The following OSBPL11 variants were observed in gnomAD, a reference collection of about 807,000 sequenced individuals.
OSBPL11 encodes the protein oxysterol binding protein like 11.
A neutral mutation model predicts 84.4 loss-of-function variants in OSBPL11; 33 were observed. That is an observed-to-expected ratio of 0.39 (90% CI 0.30 to 0.52). The LOEUF is 0.52. Among genes scored for constraint, OSBPL11 ranks in the 20% least tolerant of loss-of-function variants. The probability of loss-of-function intolerance (pLI) is 0.72; values close to 1 mark genes in which losing one functional copy is unlikely to be tolerated. For missense variants in OSBPL11, 736 were observed against 901.1 expected (o/e 0.82, Z 2.35); for synonymous variants, 276 against 310.2 (o/e 0.89, Z 1.16).
intron 11 of OSBPL11, among the ~76,000 whole-genome samples, chr3:125,535,439 CTTT>C (rs763678488): frequency 5.0e-4 from 42 of 84,298 alleles, no homozygotes; most frequent in African/African-American, 1.6e-3. Context: ...TCAGAAGCAT[CTTT>C]TTTTTTTTTT....
At chr3:125,537,106 G>A (rs899439516) in intron 11 of OSBPL11, among the ~76,000 whole-genome samples, 6 of 145,934 alleles carry the variant, frequency 4.1e-5, no homozygotes, top group African/African-American at 1.5e-4. Flanking sequence ...GTTGCAGGGA[G>A]CCGAGATCGC....
In OSBPL11 at chr3:125,530,593, AAAAGAT is replaced by A. The variant is rs766551969; in HGVS notation, c.2179-19_2179-14del. 1.9e-6 allele frequency: 3 copies of A among 1,606,434 alleles called. No individual in the cohort carries two copies. The African/African-American group carries it at 4.0e-5, about 21-fold the overall frequency. ...CCCAGCCATCTCCCTGAAACAAATA[AAAAGAT>A]AAAGAATCATCCCTCTAATATTATC... On this transcript the variant is annotated splice_polypyrimidine_tract_variant and intron_variant, in intron 12 of 12. Coordinates refer to ENST00000296220, the MANE Select transcript of OSBPL11 (RefSeq NM_022776.5).
At chr3:125,543,672 G>T (rs563058228) in intron 10 of OSBPL11, among the ~76,000 whole-genome samples, 2 of 152,058 alleles carry the variant, frequency 1.3e-5, no homozygotes, top group Admixed American at 1.3e-4. Context: ...AGGCCAAGGT[G>T]GGCAGATCAC....
intron 6 of OSBPL11, among the ~76,000 whole-genome samples, chr3:125,565,998 C>T (rs1047989079): frequency 1.3e-5 from 2 of 151,964 alleles, no homozygotes; most frequent in African/African-American, 4.8e-5. Context: ...GTAGTAGCAC[C>T]CTACACGTTA....
At chr3:125,565,438 C>T (rs1179686282) in intron 6 of OSBPL11, among the ~76,000 whole-genome samples, 1 of 151,996 alleles carries the variant, frequency 6.6e-6, no homozygotes, top group Admixed American at 6.6e-5. Flanking sequence ...CACTTGTCTC[C>T]TCAAAGGAAT....
At chr3:125,565,729 T>C (rs751040652) in intron 6 of OSBPL11, among the ~76,000 whole-genome samples, 3 of 152,224 alleles carry the variant, frequency 2.0e-5, no homozygotes, top group Non-Finnish European at 2.9e-5. Context: ...TATATTGAAC[T>C]ACTTACAATT....
chr3:125,534,256 G>A (rs765566644), intron 11 of OSBPL11, among the ~76,000 whole-genome samples: 25 of 152,102 alleles, frequency 1.6e-4, no homozygotes, highest in Non-Finnish European at 3.5e-4. Flanking sequence ...GGTGGCACAC[G>A]CCTGTAGTCC....
At chr3:125,536,279 G>C (rs1935639096) in intron 11 of OSBPL11, among the ~76,000 whole-genome samples, 1 of 152,184 alleles carries the variant, frequency 6.6e-6, no homozygotes, top group South Asian at 2.1e-4. Flanking sequence ...TTGCAATGTG[G>C]AAAATTTAAG....
rs533163546 is a variant in OSBPL11 at position 125,581,466 on chromosome 3, C to T, written c.234-1426G>A. Among the ~76,000 whole-genome samples, 73 of 150,474 alleles carry T rather than the reference C, an allele frequency of 4.9e-4. 2 individuals carry two copies. Among genetic ancestry groups the T allele is most frequent in the South Asian group, 2.0e-3 (9 of 4,610 alleles). On this transcript the variant is annotated intron_variant, in intron 2 of 12. Coordinates refer to ENST00000296220, the MANE Select transcript of OSBPL11 (RefSeq NM_022776.5). ...ATCCCAGCACTTTGGGAGGCCAAGG[C>T]GGGTGGACTGCCTGAGCTTAGGAGT...
intron 4 of OSBPL11, among the ~76,000 whole-genome samples, chr3:125,577,986 G>C (rs1379477936): frequency 1.3e-5 from 2 of 152,066 alleles, no homozygotes; most frequent in East Asian, 3.9e-4. Context: ...CCAGACCCTA[G>C]AGAAATGAAA....
chr3:125,546,868 C>CA (rs745710323), intron 10 of OSBPL11, among the ~76,000 whole-genome samples: 1 of 151,064 alleles, frequency 6.6e-6, no homozygotes, highest in Non-Finnish European at 1.5e-5. Context: ...GCCTAGGCGA[C>CA]AGAGTGAGAC....
At position 125,532,951 on chromosome 3, in the gene OSBPL11, C is replaced by T. The variant is rs1007130279; in HGVS notation, c.2025-937G>A. Among the ~76,000 whole-genome samples the T allele has an allele frequency of 3.3e-5, 5 of 151,612 alleles. No homozygotes were observed. The South Asian group carries it at 1.0e-3, about 32-fold the overall frequency. On this transcript the variant is annotated intron_variant, in intron 11 of 12. Transcript: ENST00000296220. ...AATAAGCCAGGCATAAGAGATCACA[C>T]ATTGTATGATTTATATGAAATATCC...
At chr3:125,538,399 T>G (rs368664757) in intron 11 of OSBPL11, 52 bp downstream of exon 11, 3 of 1,540,396 alleles carry the variant, frequency 1.9e-6, no homozygotes, top group African/African-American at 2.7e-5. Flanking sequence ...AAGGCTTAGA[T>G]TAAGATGCAG....
chr3:125,593,223 A>G (rs1580069266), intron 1 of OSBPL11, among the ~76,000 whole-genome samples: 2 of 152,344 alleles, frequency 1.3e-5, no homozygotes, highest in African/African-American at 4.8e-5. Flanking sequence ...CCCCTGCCAC[A>G]GGTCACACAC....
intron 9 of OSBPL11, among the ~76,000 whole-genome samples, chr3:125,549,764 G>A (rs1365863919): frequency 6.6e-6 from 1 of 152,142 alleles, no homozygotes; most frequent in East Asian, 1.9e-4. Flanking sequence ...TGAGATTACA[G>A]GTGTGAGCCA....
In OSBPL11 at chr3:125,594,605, C is replaced by T. The variant is rs375845552; in HGVS notation, c.164+32G>A. On this transcript the variant is annotated intron_variant, in intron 1 of 12. Transcript: ENST00000296220. ...AGGGCATATTCACCCCTACCTCCAC[C>T]TCGGGAAATAATTTTGGAGAAAGGA... 15 of 1,603,126 alleles carry T rather than the reference C, an allele frequency of 9.4e-6. No homozygotes were observed. The African/African-American group carries it at 2.0e-4, about 21-fold the overall frequency.
At chr3:125,584,479 G>A (rs901252079) in intron 1 of OSBPL11, among the ~76,000 whole-genome samples, 1 of 152,200 alleles carries the variant, frequency 6.6e-6, no homozygotes, top group African/African-American at 2.4e-5. Context: ...GAGGTTTGAG[G>A]TAGTATACAA....
Position 125,591,680 on chromosome 3 carries a change from G to T in OSBPL11, c.164+2957C>A, listed in dbSNP as rs371344852. Among the ~76,000 whole-genome samples, 19 of 152,242 alleles carry T rather than the reference G, an allele frequency of 1.2e-4. No individual in the cohort carries two copies. The South Asian group carries it at 2.1e-3, about 17-fold the overall frequency. On this transcript the variant is annotated intron_variant, in intron 1 of 12. Transcript: ENST00000296220. ...GCTGCACTGAGATTCCTGACCCAAAGACACTATGAAATAATAAATGCTGCT... is the reference window on the plus strand; with the variant it reads ...GCTGCACTGAGATTCCTGACCCAAATACACTATGAAATAATAAATGCTGCT...
At chr3:125,590,825 C>A (rs949622408) in intron 1 of OSBPL11, among the ~76,000 whole-genome samples, 1 of 152,168 alleles carries the variant, frequency 6.6e-6, no homozygotes, top group African/African-American at 2.4e-5. Flanking sequence ...AATAATTATT[C>A]ATTCCTTTTA....
Sources: allele counts gnomAD v4.1 joint callset (sites outside exome capture counted in the v4.1 genomes callset), GRCh38; gene constraint gnomAD v4.1.1; transcripts MANE v1.5; gene names NCBI Gene and HGNC (gene_info 2026-07-23, HGNC 2026-07-21).